Variants in TDRD9 observed in about 807,000 individuals in gnomAD.
The protein encoded by TDRD9 is ATP-dependent RNA helicase TDRD9.
TDRD9 carries 124 observed loss-of-function variants against 172.6 expected under a neutral mutation model. The observed-to-expected ratio is 0.72, with a 90% CI of 0.62 to 0.83. The LOEUF (loss-of-function observed/expected upper bound fraction) is 0.83, where lower values mean the gene tolerates loss of function less well. Ranked by LOEUF, TDRD9 falls within the 40% of genes least tolerant of loss-of-function variation. The probability of loss-of-function intolerance (pLI) is 0.00; values close to 1 mark genes in which losing one functional copy is unlikely to be tolerated. For synonymous variants in TDRD9, 619 were observed against 617.1 expected, an observed-to-expected ratio of 1.00 and a Z score of -0.05; for missense variants, 1,479 against 1,714.1, an observed-to-expected ratio of 0.86 and a Z score of 2.42.
intron 35 of TDRD9, among the ~76,000 whole-genome samples, chr14:104,050,413 T>C (rs1046276494): frequency 2.0e-5 from 3 of 152,196 alleles, no homozygotes; most frequent in African/African-American, 7.2e-5. Flanking sequence ...AAGCCCTTCA[T>C]AGGCTCCCTG....
At position 103,940,724 on chromosome 14, in the gene TDRD9, A is replaced by T. The variant is rs987988087; in HGVS notation, c.215+12000A>T. On this transcript the variant is annotated intron_variant, in intron 1 of 35. Coordinates refer to ENST00000409874, the MANE Select transcript of TDRD9 (RefSeq NM_153046.3). ...GATACTGACCTTGTAACAAAGAAAAACTTGAAGTCACATCACTTTTTCTTA... is the reference window on the plus strand; with the variant it reads ...GATACTGACCTTGTAACAAAGAAAATCTTGAAGTCACATCACTTTTTCTTA... 9.9e-5 allele frequency: 93 copies of T among 936,600 alleles called. No homozygotes were observed. In the African/African-American group the frequency reaches 1.5e-3, roughly 15 times the overall value. 58.0% of individuals were successfully genotyped at this position (936,600 alleles called of 1,614,324 possible).
At position 103,965,561 on chromosome 14, in the gene TDRD9, CTGGGAGGGAGGGAGGGACTAAGAG is replaced by C; in HGVS notation, c.642+8_642+31del. On this transcript the variant is annotated splice_region_variant and intron_variant, in intron 4 of 35. Coordinates refer to ENST00000409874, the MANE Select transcript of TDRD9 (RefSeq NM_153046.3). ...AGGTGTGGTGGGCTACCAGGTGAGA[CTGGGAGGGAGGGAGGGACTAAGAG>C]AGCCAGCTGTCTCTCTATTCCTTAA... The C allele has an allele frequency of 7.6e-7, 1 of 1,309,866 alleles. No individual in the cohort carries two copies. The highest frequency in any genetic ancestry group is 1.0e-6 in the Non-Finnish European group (1 of 960,750). The allele number at this position is 1,309,866 out of a possible 1,614,324, so 81.1% of individuals were successfully genotyped here.
At chr14:103,930,216 C>T (rs559155647) in intron 1 of TDRD9, among the ~76,000 whole-genome samples, 14 of 150,972 alleles carry the variant, frequency 9.3e-5, no homozygotes, top group African/African-American at 2.2e-4. Context: ...GACATAGTTT[C>T]GCTCTTGTTG....
chr14:103,987,029 G>A (rs1297279356), intron 8 of TDRD9, among the ~76,000 whole-genome samples: 5 of 152,028 alleles, frequency 3.3e-5, no homozygotes, highest in Admixed American at 2.0e-4. Context: ...CAGAGGAATC[G>A]CTTGAACCTG....
intron 1 of TDRD9, 200 bp downstream of exon 1, chr14:103,928,924 GTTT>G (rs543255081): frequency 2.9e-3 from 337 of 117,618 alleles, no homozygotes; most frequent in East Asian, 5.6e-3. Context: ...TGAGCTAGAG[GTTT>G]TTTTTTTTTT....
chr14:103,930,936 A>C (rs796596094), intron 1 of TDRD9, among the ~76,000 whole-genome samples: 2 of 152,338 alleles, frequency 1.3e-5, no homozygotes, highest in African/African-American at 4.8e-5. Flanking sequence ...TTATAAAATC[A>C]ATAAAAATGA....
intron 22 of TDRD9, among the ~76,000 whole-genome samples, chr14:104,017,291 A>G (rs961895381): frequency 2.6e-5 from 4 of 151,912 alleles, no homozygotes; most frequent in Non-Finnish European, 5.9e-5. Flanking sequence ...TAAAAGCTCA[A>G]TAATAGCTGG....
At chr14:103,948,653 A>G (rs1033397523) in intron 1 of TDRD9, among the ~76,000 whole-genome samples, 1 of 152,150 alleles carries the variant, frequency 6.6e-6, no homozygotes, top group Non-Finnish European at 1.5e-5. Context: ...AAATTCTGAC[A>G]TACGCTCTGA....
Position 104,004,238 on chromosome 14 carries a change from G to T in TDRD9, c.1484G>T (p.Gly495Val). 6.4e-7 allele frequency: 1 copy of T among 1,560,844 alleles called. No individual in the cohort carries two copies. Among genetic ancestry groups the T allele is most frequent in the Non-Finnish European group, 8.8e-7 (1 of 1,138,946 alleles). ...ASKTSCNQRK[G>V]RAGRVSRGYC... The stretch of plus-strand genomic sequence containing the variant: ...CTGTTTGCACATCTCTCCTTTGAAG[G>T]CCGTGCTGGACGAGTGTCTAGAGGG... Residue 495 changes from glycine to valine, a missense_variant and splice_region_variant, in exon 14 of 36, where the codon GGC (glycine) becomes GTC (valine). This residue lies in a region of TDRD9 where 1,413 missense variants were observed against 1,649.1 expected (regional missense o/e 0.86). Coordinates refer to ENST00000409874, the MANE Select transcript of TDRD9 (RefSeq NM_153046.3).
chr14:103,966,459 A>T (rs2032751554), intron 4 of TDRD9, among the ~76,000 whole-genome samples: 1 of 152,148 alleles, frequency 6.6e-6, no homozygotes, highest in Non-Finnish European at 1.5e-5. Flanking sequence ...AATCTAGAAG[A>T]TGTCTTGATA....
chr14:103,935,389 G>C (rs945504910), intron 1 of TDRD9, among the ~76,000 whole-genome samples: 4 of 152,122 alleles, frequency 2.6e-5, no homozygotes, highest in Non-Finnish European at 4.4e-5. Flanking sequence ...GGATGTGAGT[G>C]GGGGAGCAAT....
At chr14:104,038,490 A>C (rs2035518394) in intron 32 of TDRD9, among the ~76,000 whole-genome samples, 1 of 152,144 alleles carries the variant, frequency 6.6e-6, no homozygotes, top group Non-Finnish European at 1.5e-5. Flanking sequence ...TGGGGCCTCC[A>C]GCTGAAGGAT....
chr14:104,049,821 C>T lies in TDRD9; in HGVS notation c.4047+141C>T. 5 of 652,352 alleles carry T rather than the reference C, an allele frequency of 7.7e-6. 1 individual carries two copies. Among genetic ancestry groups the T allele is most frequent in the Non-Finnish European group, 1.3e-5 (5 of 371,942 alleles). 40.4% of individuals were successfully genotyped at this position (652,352 alleles called of 1,614,324 possible). ...GAGGCAAAGTGGATGGCTTTGGGGG[C>T]CAGCTGGCAAATGTCTCAGACCAGA... On this transcript the variant is annotated intron_variant, in intron 35 of 35. Transcript: ENST00000409874.
chr14:103,982,755 GC>G (rs2033522947), intron 7 of TDRD9, among the ~76,000 whole-genome samples: 1 of 152,120 alleles, frequency 6.6e-6, no homozygotes, highest in South Asian at 2.1e-4. Context: ...TACAAAATTA[GC>G]CAGGTGTGGT....
At chr14:104,002,383 A>G (rs1398517742) in intron 13 of TDRD9, among the ~76,000 whole-genome samples, 2 of 152,112 alleles carry the variant, frequency 1.3e-5, no homozygotes, top group South Asian at 4.1e-4. Flanking sequence ...TTTAAAGAAC[A>G]ATTTGCAAAT....
In TDRD9 at chr14:104,049,120, ATG is replaced by A. The variant is rs368678111; in HGVS notation, c.3975-462_3975-461del. Among the ~76,000 whole-genome samples, 628 of 101,962 alleles carry A rather than the reference ATG, an allele frequency of 6.2e-3. 3 individuals carry two copies. The highest frequency in any genetic ancestry group is 0.014 in the African/African-American group (396 of 28,440). The allele number at this position is 101,962 out of a possible 152,430, so 66.9% of individuals were successfully genotyped here. A position where few individuals can be genotyped will look rare whatever the true frequency, so the allele number is the denominator to read the frequency against. On this transcript the variant is annotated intron_variant, in intron 34 of 35. Transcript: ENST00000409874. ...TTGGTATGTATGTATGTATGTATGT[ATG>A]TGTGTGTGTGTGTGTGTGTGTGTGT... is the stretch of plus-strand genomic sequence containing the variant.
chr14:103,976,029 T>A (rs1356499575), intron 7 of TDRD9, among the ~76,000 whole-genome samples: 2 of 152,162 alleles, frequency 1.3e-5, no homozygotes, highest in Non-Finnish European at 2.9e-5. Context: ...AACCAACCTC[T>A]TCCTATTTCC....
intron 28 of TDRD9, among the ~76,000 whole-genome samples, chr14:104,030,421 G>A (rs910931666): frequency 6.6e-6 from 1 of 152,208 alleles, no homozygotes; most frequent in African/African-American, 2.4e-5. Flanking sequence ...AACCTGGGAG[G>A]TGGAGGTTGT....
rs10661391 is a variant in TDRD9 at position 104,023,184 on chromosome 14, C to CAAAAAAAAAA, written c.2606+875_2606+884dup. ...TGGGCGACAGAGCGAGACTCCGTCT[C>CAAAAAAAAAA]AAAAAAAAAAAAAAAAAAAAAAAAA... On this transcript the variant is annotated intron_variant, in intron 24 of 35. Coordinates refer to ENST00000409874, the MANE Select transcript of TDRD9 (RefSeq NM_153046.3). 2.6e-4 allele frequency among the ~76,000 whole-genome samples: 17 copies of CAAAAAAAAAA among 64,460 alleles called. 1 individual carries two copies. The highest frequency in any genetic ancestry group is 9.3e-4 in the African/African-American group (13 of 13,932). 42.3% of individuals were successfully genotyped at this position (64,460 alleles called of 152,430 possible).
Sources: gnomAD v4.1 joint callset for allele counts (sites outside exome capture counted in the v4.1 genomes callset) on GRCh38, gnomAD v4.1.1 for gene constraint, gnomAD v4.1.1 regional missense constraint, MANE v1.5 for transcripts, NCBI Gene and HGNC (gene_info 2026-07-23, HGNC 2026-07-21) for gene names.